ARNT2: variants seen among roughly 807,000 people sequenced by gnomAD.
ARNT2 encodes aryl hydrocarbon receptor nuclear translocator 2, also known as ARNT protein 2.
ARNT2 carries 36 observed loss-of-function variants against 91.7 expected under a neutral mutation model. That is an observed-to-expected ratio of 0.39 (90% confidence interval 0.30 to 0.52). ARNT2 has a LOEUF of 0.52. Among genes scored for constraint, ARNT2 ranks in the 20% least tolerant of loss-of-function variants. The pLI is 0.72. For synonymous variants in ARNT2, 365 were observed against 347.1 expected (o/e 1.05, Z -0.57); for missense variants, 775 against 939.3 (o/e 0.83, Z 2.29).
chr15:80,554,253 A>G (rs927925790), intron 10 of ARNT2, among the ~76,000 whole-genome samples: 6 of 152,260 alleles, frequency 3.9e-5, no homozygotes, highest in African/African-American at 1.4e-4. Flanking sequence ...TACTGAAAAT[A>G]CAAAAATTAG....
intron 12 of ARNT2, 122 bp from the exon 13 acceptor site, chr15:80,574,026 A>G (rs1898626112): frequency 1.4e-6 from 1 of 737,048 alleles, no homozygotes; most frequent in African/African-American, 1.8e-5. Context: ...AAAATGGAAA[A>G]CAATGTAGAG....
intron 2 of ARNT2, among the ~76,000 whole-genome samples, chr15:80,453,119 G>A (rs1328447327): frequency 1.3e-5 from 2 of 152,156 alleles, no homozygotes; most frequent in African/African-American, 4.8e-5. Flanking sequence ...TTTCCTTCCC[G>A]GGTCACACAC....
chr15:80,456,023 C>G (rs1175636060), intron 2 of ARNT2, among the ~76,000 whole-genome samples: 2 of 152,090 alleles, frequency 1.3e-5, no homozygotes, highest in Admixed American at 6.5e-5. Context: ...CTGCAGAACA[C>G]CGGGTGAATT....
intron 3 of ARNT2, among the ~76,000 whole-genome samples, chr15:80,459,512 A>G (rs779027642): frequency 1.3e-5 from 2 of 152,204 alleles, no homozygotes; most frequent in African/African-American, 4.8e-5. Flanking sequence ...ATAACATTCC[A>G]TAGCATGCTA....
intron 1 of ARNT2, among the ~76,000 whole-genome samples, chr15:80,443,739 G>C (rs548343039): frequency 6.6e-6 from 1 of 152,242 alleles, no homozygotes; most frequent in South Asian, 2.1e-4. Flanking sequence ...GCTTGAGACA[G>C]AGCAGGGGGC....
chr15:80,515,993 C>T (rs1897428864), intron 8 of ARNT2, among the ~76,000 whole-genome samples: 1 of 151,874 alleles, frequency 6.6e-6, no homozygotes. Flanking sequence ...CCTCAGCCTC[C>T]TGAGTAGCTG....
intron 1 of ARNT2, among the ~76,000 whole-genome samples, chr15:80,418,613 T>C (rs1026016): frequency 0.75 from 113,848 of 152,124 alleles, 42,870 homozygotes; most frequent in East Asian, 0.8. Flanking sequence ...TGCTCTGGAC[T>C]GACCAGATGG....
At chr15:80,495,059 T>C (rs1897107584) in intron 5 of ARNT2, among the ~76,000 whole-genome samples, 1 of 152,116 alleles carries the variant, frequency 6.6e-6, no homozygotes, top group Non-Finnish European at 1.5e-5. Context: ...AAGTCCCTTT[T>C]GCCAGACCTA....
At chr15:80,481,387 A>G (rs1896885692) in intron 5 of ARNT2, among the ~76,000 whole-genome samples, 1 of 152,084 alleles carries the variant, frequency 6.6e-6, no homozygotes, top group South Asian at 2.1e-4. Context: ...TCTGTGGGAC[A>G]CTCGGTGCAT....
At chr15:80,441,150 A>C in intron 1 of ARNT2, 1 of 931,418 alleles carries the variant, frequency 1.1e-6, no homozygotes, top group Non-Finnish European at 1.3e-6. Context: ...AGTTAATGCT[A>C]GAAATTTTGC....
intron 1 of ARNT2, among the ~76,000 whole-genome samples, chr15:80,446,002 C>CTG (rs759933764): frequency 4.0e-4 from 61 of 152,086 alleles, no homozygotes; most frequent in Non-Finnish European, 7.5e-4. Context: ...GTGTTAGCAT[C>CTG]TGTGTGTGTG....
chr15:80,501,647 C>T (rs972294264), intron 5 of ARNT2, among the ~76,000 whole-genome samples: 9 of 152,316 alleles, frequency 5.9e-5, no homozygotes, highest in African/African-American at 2.2e-4. Flanking sequence ...GGCTAACTCC[C>T]GGTCTCAGGA....
chr15:80,581,957 C>T (rs1183120509), intron 17 of ARNT2, among the ~76,000 whole-genome samples: 1 of 152,206 alleles, frequency 6.6e-6, no homozygotes, highest in Admixed American at 6.5e-5. Flanking sequence ...TCTCCCAGGG[C>T]TAGGGTTCCA....
chr15:80,404,578 G>A lies in ARNT2; in HGVS notation c.31+32G>A. On this transcript the variant is annotated intron_variant, in intron 1 of 18. Coordinates refer to ENST00000303329, the MANE Select transcript of ARNT2 (RefSeq NM_014862.4). The surrounding 1 kb of genome is among the most constrained non-coding windows in gnomAD (Gnocchi z 5.5). ...AGCGGCCTGGGCCCCGCCGCCCGCC[G>A]CAGCCCGCAGGCCTTGCCCGGGGCC... 1 of 1,081,198 alleles carries A rather than the reference G, an allele frequency of 9.2e-7. No individual in the cohort carries two copies. Among genetic ancestry groups the A allele is most frequent in the Non-Finnish European group, 1.1e-6 (1 of 889,020 alleles). The allele number at this position is 1,081,198 out of a possible 1,614,324, so 67.0% of individuals were successfully genotyped here.
chr15:80,473,494 G>A (rs911220169), intron 4 of ARNT2, among the ~76,000 whole-genome samples: 10 of 152,130 alleles, frequency 6.6e-5, no homozygotes, highest in African/African-American at 1.2e-4. Flanking sequence ...ACCCTCTTCC[G>A]TTTTTAATTC....
chr15:80,492,852 C>T lies in ARNT2; in HGVS notation c.623-15304C>T, dbSNP rs750162705. 5.3e-5 allele frequency among the ~76,000 whole-genome samples: 8 copies of T among 152,012 alleles called. No homozygotes were observed. In the East Asian group the frequency reaches 5.8e-4, roughly 11 times the overall value. Reference sequence around the variant, plus strand: ...CATCTAAAAGCAATCTTTCTTGGTCCGAGGTTATTTTCTTTTTATTATGAA... The same window carrying T: ...CATCTAAAAGCAATCTTTCTTGGTCTGAGGTTATTTTCTTTTTATTATGAA... On this transcript the variant is annotated intron_variant, in intron 5 of 18. Coordinates refer to ENST00000303329, the MANE Select transcript of ARNT2 (RefSeq NM_014862.4).
chr15:80,456,526 A>T (rs554841210), intron 2 of ARNT2, among the ~76,000 whole-genome samples: 4 of 152,322 alleles, frequency 2.6e-5, no homozygotes, highest in Middle Eastern at 3.4e-3. Flanking sequence ...AAAACAAAAG[A>T]TACTAATTTT....
chr15:80,426,461 C>G (rs72745628), intron 1 of ARNT2, among the ~76,000 whole-genome samples: 28,627 of 152,092 alleles, frequency 0.19, 2,862 homozygotes, highest in East Asian at 0.29. Flanking sequence ...ATCACAGCGG[C>G]CCCAGGCTGC....
intron 11 of ARNT2, among the ~76,000 whole-genome samples, chr15:80,561,453 C>T (rs866846519): frequency 6.6e-6 from 1 of 152,194 alleles, no homozygotes; most frequent in African/African-American, 2.4e-5. Context: ...GAGAACCACA[C>T]CCGAATGCTA....
Sources: allele counts gnomAD v4.1 joint callset (sites outside exome capture counted in the v4.1 genomes callset), GRCh38; gene constraint gnomAD v4.1.1; non-coding constraint Gnocchi (gnomAD v3.1); transcripts MANE v1.5; gene names NCBI Gene and HGNC (gene_info 2026-07-23, HGNC 2026-07-21).